The following NEMP2 variants were observed in gnomAD, a reference collection of about 807,000 sequenced individuals.
The protein encoded by NEMP2 is nuclear envelope integral membrane protein 2.
Under a neutral mutation model 54.2 loss-of-function variants are expected in NEMP2, and 53 were observed. The ratio of observed to expected loss-of-function variants is 0.98; its 90% CI spans 0.78 to 1.23. The LOEUF (loss-of-function observed/expected upper bound fraction) is 1.23. Among genes scored for constraint, NEMP2 ranks in the 50% most tolerant of loss-of-function variants. The pLI is 0.00. For missense variants in NEMP2, 455 were observed against 511.3 expected, an observed-to-expected ratio of 0.89 and a Z score of 1.06; for synonymous variants, 197 against 190.3, an observed-to-expected ratio of 1.04 and a Z score of -0.29.
At chr2:190,589,686 A>G in the NEMP2 span, among the ~76,000 whole-genome samples, 3 of 152,170 alleles carry the variant, frequency 2.0e-5, no homozygotes, top group Admixed American at 2.0e-4. The surrounding 1 kb of genome is among the most constrained non-coding windows in gnomAD (Gnocchi z 4.3). Flanking sequence ...AGTGTCAGCA[A>G]CACAAAACCA....
At chr2:190,439,097 G>C in the NEMP2 span, among the ~76,000 whole-genome samples, 1 of 151,912 alleles carries the variant, frequency 6.6e-6, no homozygotes, top group African/African-American at 2.4e-5. This position sits in a 1 kb window ranked among gnomAD's most constrained non-coding sequence, Gnocchi z 5.8. Context: ...CTTTAATTTT[G>C]TCCACACCAT....
chr2:190,643,933 A>C, the NEMP2 span, among the ~76,000 whole-genome samples: 1 of 152,198 alleles, frequency 6.6e-6, no homozygotes, highest in African/African-American at 2.4e-5. Flanking sequence ...TCTCAAAAAC[A>C]AAAACAACAA....
chr2:190,429,337 T>A, the NEMP2 span, among the ~76,000 whole-genome samples: 1 of 151,878 alleles, frequency 6.6e-6, no homozygotes, highest in Non-Finnish European at 1.5e-5. Flanking sequence ...ATTCTTTTTT[T>A]TTTTTTGAGA....
At chr2:190,494,607 A>G in the NEMP2 span, among the ~76,000 whole-genome samples, 5 of 152,336 alleles carry the variant, frequency 3.3e-5, no homozygotes, top group South Asian at 1.0e-3. The surrounding 1 kb of genome is among the most constrained non-coding windows in gnomAD (Gnocchi z 5.7). Context: ...TTAACAAAAT[A>G]CTAGCTAATC....
the NEMP2 span, among the ~76,000 whole-genome samples, chr2:190,552,006 AG>A: frequency 6.6e-6 from 1 of 152,328 alleles, no homozygotes; most frequent in South Asian, 2.1e-4. Context: ...GAATCCTGGA[AG>A]GGAGCCCGGG....
chr2:190,429,534 G>A, the NEMP2 span, among the ~76,000 whole-genome samples: 29 of 151,976 alleles, frequency 1.9e-4, no homozygotes, highest in Middle Eastern at 0.017. Flanking sequence ...CATCATGTTG[G>A]CCAGCCTGGT....
chr2:190,435,935 T>A, the NEMP2 span: 1 of 1,451,536 alleles, frequency 6.9e-7, no homozygotes, highest in Non-Finnish European at 9.3e-7. Context: ...TTACATGTTA[T>A]GATTTTCATT....
At chr2:190,478,522 G>A in the NEMP2 span, among the ~76,000 whole-genome samples, 2 of 152,180 alleles carry the variant, frequency 1.3e-5, no homozygotes, top group Non-Finnish European at 2.9e-5. Context: ...GGATTCGTCT[G>A]CCTTTACAAG....
the NEMP2 span, among the ~76,000 whole-genome samples, chr2:190,422,370 G>A: frequency 1.3e-5 from 2 of 152,042 alleles, no homozygotes; most frequent in South Asian, 4.1e-4. Flanking sequence ...TCTCTCCCAT[G>A]TTAGATCTCT....
upstream of NEMP2, among the ~76,000 whole-genome samples, chr2:190,537,833 G>A (rs565998989): frequency 6.6e-6 from 1 of 152,186 alleles, no homozygotes; most frequent in Admixed American, 6.5e-5. Context: ...AATGTCTCCA[G>A]GGCATGTCGG....
At chr2:190,494,985 G>A in the NEMP2 span, among the ~76,000 whole-genome samples, 2 of 152,144 alleles carry the variant, frequency 1.3e-5, no homozygotes, top group Non-Finnish European at 2.9e-5. The surrounding 1 kb of genome is among the most constrained non-coding windows in gnomAD (Gnocchi z 5.7). Context: ...ACATAGTACT[G>A]GAAGTCCTAG....
chr2:190,436,816 A>G, the NEMP2 span: 5 of 1,614,214 alleles, frequency 3.1e-6, no homozygotes, highest in African/African-American at 2.7e-5. This position sits in a 1 kb window ranked among gnomAD's most constrained non-coding sequence, Gnocchi z 5.3. Flanking sequence ...AACCACTGTT[A>G]TTGTTACCAC....
the NEMP2 span, among the ~76,000 whole-genome samples, chr2:190,631,172 G>T: frequency 6.6e-5 from 10 of 152,334 alleles, no homozygotes; most frequent in East Asian, 1.3e-3. Flanking sequence ...GATGTTGTAT[G>T]AGACTTGCAG....
At chr2:190,475,113 G>A in the NEMP2 span, among the ~76,000 whole-genome samples, 1 of 152,140 alleles carries the variant, frequency 6.6e-6, no homozygotes, top group African/African-American at 2.4e-5. Context: ...ATATCATACT[G>A]AATGGGCAAA....
the NEMP2 span, among the ~76,000 whole-genome samples, chr2:190,543,241 G>T: frequency 1.3e-5 from 2 of 152,176 alleles, no homozygotes; most frequent in Non-Finnish European, 2.9e-5. The surrounding 1 kb of genome is among the most constrained non-coding windows in gnomAD (Gnocchi z 4.7). Flanking sequence ...TGTGCCCAGG[G>T]TACCTGTGGA....
chr2:190,514,778 A>C lies in NEMP2; in HGVS notation c.728-100T>G, dbSNP rs1690493879. The C allele has an allele frequency of 1.7e-6, 2 of 1,168,946 alleles. No individual in the cohort carries two copies. The highest frequency in any genetic ancestry group is 2.5e-5 in the Admixed American group (1 of 39,528). The allele number at this position is 1,168,946 out of a possible 1,614,324, so 72.4% of individuals were successfully genotyped here. A position where few individuals can be genotyped will look rare whatever the true frequency, so the allele number is the denominator to read the frequency against. ...ACTTAAAGGTAAAAACTATTAGAGAACCTTAATTTTTGTGTTTTTTACCCC... is the reference window on the plus strand; with the variant it reads ...ACTTAAAGGTAAAAACTATTAGAGACCCTTAATTTTTGTGTTTTTTACCCC... On this transcript the variant is annotated intron_variant, in intron 6 of 8. Transcript: ENST00000409150. The surrounding 1 kb of genome is among the most constrained non-coding windows in gnomAD (Gnocchi z 5.7).
chr2:190,510,625 G>A lies in NEMP2; in HGVS notation c.954-88C>T, dbSNP rs1333518468. 2 of 1,404,900 alleles carry A rather than the reference G, an allele frequency of 1.4e-6. No homozygotes were observed. Among genetic ancestry groups the A allele is most frequent in the Non-Finnish European group, 1.9e-6 (2 of 1,026,118 alleles). 87.0% of individuals were successfully genotyped at this position (1,404,900 alleles called of 1,614,324 possible). A position where few individuals can be genotyped will look rare whatever the true frequency, so the allele number is the denominator to read the frequency against. On this transcript the variant is annotated intron_variant, in intron 7 of 8. Transcript: ENST00000409150. This position sits in a 1 kb window ranked among gnomAD's most constrained non-coding sequence, Gnocchi z 5.7. The stretch of plus-strand genomic sequence containing the variant: ...AGGCCAGGCTCGGTGGCTCACGCCT[G>A]TAATCCAGCATTTTGGGAGGCCTGG...
At chr2:190,638,800 G>C in the NEMP2 span, among the ~76,000 whole-genome samples, 3 of 152,118 alleles carry the variant, frequency 2.0e-5, no homozygotes, top group African/African-American at 7.2e-5. The surrounding 1 kb of genome is among the most constrained non-coding windows in gnomAD (Gnocchi z 5.7). Context: ...TGCAGTCTCA[G>C]AGAAAGTGGG....
chr2:190,423,514 T>G, the NEMP2 span, among the ~76,000 whole-genome samples: 1 of 152,358 alleles, frequency 6.6e-6, no homozygotes, highest in African/African-American at 2.4e-5. The surrounding 1 kb of genome is among the most constrained non-coding windows in gnomAD (Gnocchi z 4.3). Flanking sequence ...TGTAGTACAA[T>G]TTGTTTAATT....
Sources: gnomAD v4.1 joint callset for allele counts (sites outside exome capture counted in the v4.1 genomes callset) on GRCh38, gnomAD v4.1.1 for gene constraint, Gnocchi (gnomAD v3.1) non-coding constraint, MANE v1.5 for transcripts, NCBI Gene and HGNC (gene_info 2026-07-23, HGNC 2026-07-21) for gene names.